Variants in CDH13 observed in about 807,000 individuals in gnomAD.
CDH13 encodes cadherin 13.
CDH13 carries 24 observed loss-of-function variants against 63.8 expected under a neutral mutation model. The observed-to-expected ratio is 0.38, with a 90% CI of 0.27 to 0.53. The LOEUF is 0.53. Ranked by LOEUF, CDH13 falls within the 20% of genes least tolerant of loss-of-function variation. The probability of loss-of-function intolerance (pLI) is 0.85; values close to 1 mark genes in which losing one functional copy is unlikely to be tolerated. For missense variants in CDH13, 1,049 were observed against 903.1 expected, an observed-to-expected ratio of 1.16 and a Z score of -2.07; for synonymous variants, 503 against 355.3, an observed-to-expected ratio of 1.42 and a Z score of -4.67.
At chr16:82,888,649 T>C (rs2040975369) in intron 2 of CDH13, among the ~76,000 whole-genome samples, 1 of 152,166 alleles carries the variant, frequency 6.6e-6, no homozygotes. Context: ...GCACTGAAGT[T>C]CTGTGATGCT....
intron 6 of CDH13, among the ~76,000 whole-genome samples, chr16:83,348,564 G>C (rs1436593076): frequency 6.6e-6 from 1 of 152,218 alleles, no homozygotes; most frequent in Non-Finnish European, 1.5e-5. Context: ...CTGTCACCAT[G>C]TTGAAATTCT....
chr16:83,467,716 C>G (rs2073352140), intron 6 of CDH13, among the ~76,000 whole-genome samples: 1 of 152,154 alleles, frequency 6.6e-6, no homozygotes, highest in Non-Finnish European at 1.5e-5. Flanking sequence ...CAGAACACAG[C>G]CCCCAAGCAG....
intron 8 of CDH13, among the ~76,000 whole-genome samples, chr16:83,659,842 A>G (rs1220790589): frequency 1.4e-5 from 2 of 142,592 alleles, no homozygotes; most frequent in Admixed American, 1.5e-4. Context: ...GCTGGAGTGC[A>G]GTGGCATGAT....
At chr16:83,452,240 A>G (rs1440231160) in intron 6 of CDH13, among the ~76,000 whole-genome samples, 1 of 152,196 alleles carries the variant, frequency 6.6e-6, no homozygotes, top group Non-Finnish European at 1.5e-5. Context: ...TCAGCAATTC[A>G]GGTAAGGTTG....
chr16:83,136,012 G>T (rs1038873372), intron 4 of CDH13, among the ~76,000 whole-genome samples: 1 of 152,064 alleles, frequency 6.6e-6, no homozygotes, highest in Non-Finnish European at 1.5e-5. Flanking sequence ...GGACTTTGGG[G>T]ACTGGGAGGA....
At chr16:82,937,438 GACACAC>G (rs10626791) in intron 2 of CDH13, among the ~76,000 whole-genome samples, 16 of 146,932 alleles carry the variant, frequency 1.1e-4, no homozygotes, top group East Asian at 1.0e-3. Flanking sequence ...CACACACACA[GACACAC>G]ACACACACAC....
At chr16:83,540,710 T>A (rs575041429) in intron 7 of CDH13, among the ~76,000 whole-genome samples, 21 of 152,334 alleles carry the variant, frequency 1.4e-4, no homozygotes, top group South Asian at 4.1e-4. Context: ...GTAACAGTAG[T>A]AACTGTTGTA....
At chr16:82,816,768 T>C (rs2037734342) in intron 1 of CDH13, among the ~76,000 whole-genome samples, 2 of 132,866 alleles carry the variant, frequency 1.5e-5, no homozygotes, top group South Asian at 5.1e-4. Flanking sequence ...ATCATCACCG[T>C]CGTCACCATC....
chr16:83,643,879 C>A (rs1049966683), intron 8 of CDH13, among the ~76,000 whole-genome samples: 6 of 152,222 alleles, frequency 3.9e-5, no homozygotes, highest in African/African-American at 1.4e-4. Flanking sequence ...TGTACAGCCA[C>A]CTACCCACGC....
At chr16:83,762,450 T>C (rs1914052768) in intron 11 of CDH13, among the ~76,000 whole-genome samples, 1 of 152,010 alleles carries the variant, frequency 6.6e-6, no homozygotes. Context: ...TGCAATAAAA[T>C]GGAATCCCTT....
At chr16:82,900,135 C>T (rs1293806518) in intron 2 of CDH13, among the ~76,000 whole-genome samples, 5 of 152,192 alleles carry the variant, frequency 3.3e-5, no homozygotes, top group Admixed American at 3.3e-4. Context: ...TTGCAGCTGC[C>T]ATTCCCTCTG....
chr16:82,705,974 T>C (rs944555930), intron 1 of CDH13, among the ~76,000 whole-genome samples: 2 of 152,164 alleles, frequency 1.3e-5, no homozygotes, highest in African/African-American at 4.8e-5. Flanking sequence ...GTGTTAAGTT[T>C]ATACCCAGGT....
At chr16:83,324,513 C>T (rs1354700448) in intron 5 of CDH13, among the ~76,000 whole-genome samples, 1 of 152,188 alleles carries the variant, frequency 6.6e-6, no homozygotes, top group Non-Finnish European at 1.5e-5. Context: ...CTTGCCCTTC[C>T]ATGAGTAGCT....
intron 4 of CDH13, among the ~76,000 whole-genome samples, chr16:83,173,801 T>G (rs8063296): frequency 0.16 from 24,481 of 152,028 alleles, 2,086 homozygotes; most frequent in South Asian, 0.19. Context: ...GGTTGTACCC[T>G]TTTTACCTGC....
chr16:82,796,084 G>T (rs1423991527), intron 1 of CDH13, among the ~76,000 whole-genome samples: 3 of 151,954 alleles, frequency 2.0e-5, no homozygotes, highest in Non-Finnish European at 2.9e-5. Context: ...GTTCATGTCA[G>T]GTTCCTGTGC....
chr16:82,658,674 C>G (rs773650246), intron 1 of CDH13, among the ~76,000 whole-genome samples: 2 of 152,090 alleles, frequency 1.3e-5, no homozygotes, highest in Admixed American at 6.5e-5. Flanking sequence ...TAAATTATAC[C>G]TAAAGAACTT....
At position 83,364,869 on chromosome 16, in the gene CDH13, T is replaced by A. The variant is rs558624138; in HGVS notation, c.781+19863T>A. 2.0e-5 allele frequency among the ~76,000 whole-genome samples: 3 copies of A among 152,146 alleles called. No homozygotes were observed. In the South Asian group the frequency reaches 6.2e-4, roughly 32 times the overall value. On this transcript the variant is annotated intron_variant, in intron 6 of 13. Transcript: ENST00000567109. Reference sequence around the variant, plus strand: ...GTGGGAGTTGAACAATGAGAACACATGGACACAGGGAGGGGAACATCACAC... The same window carrying A: ...GTGGGAGTTGAACAATGAGAACACAAGGACACAGGGAGGGGAACATCACAC...
At chr16:82,683,208 G>T (rs1597313277) in intron 1 of CDH13, among the ~76,000 whole-genome samples, 1 of 152,126 alleles carries the variant, frequency 6.6e-6, no homozygotes, top group Non-Finnish European at 1.5e-5. Flanking sequence ...CTCAGCCCGG[G>T]GTCTTGTTTA....
At chr16:82,841,161 C>T (rs1177550091) in intron 1 of CDH13, among the ~76,000 whole-genome samples, 1 of 152,152 alleles carries the variant, frequency 6.6e-6, no homozygotes. Context: ...TGTTTGACTC[C>T]AAGCTCAAAG....
Sources: allele counts gnomAD v4.1 joint callset (sites outside exome capture counted in the v4.1 genomes callset), GRCh38; gene constraint gnomAD v4.1.1; transcripts MANE v1.5; gene names NCBI Gene and HGNC (gene_info 2026-07-23, HGNC 2026-07-21).